The following SLC9D1 variants were observed in gnomAD, a reference collection of about 807,000 sequenced individuals.
SLC9D1 encodes solute carrier family 9 member D1, also known as putative LAG1-interacting protein.
At chr13:113,548,750 C>T in the SLC9D1 span, among the ~76,000 whole-genome samples, 1 of 152,198 alleles carries the variant, frequency 6.6e-6, no homozygotes, top group Non-Finnish European at 1.5e-5. Flanking sequence ...TGCCAGTGTG[C>T]ACATAAGTAG....
At chr13:113,516,643 G>T in the SLC9D1 span, among the ~76,000 whole-genome samples, 1 of 152,060 alleles carries the variant, frequency 6.6e-6, no homozygotes, top group South Asian at 2.1e-4. Context: ...AGAGCTTAAA[G>T]GTGTTAGCTC....
At chr13:113,548,190 T>C in the SLC9D1 span, 1 of 1,206,788 alleles carries the variant, frequency 8.3e-7, no homozygotes, top group Non-Finnish European at 1.2e-6. Flanking sequence ...CTTGACGTGT[T>C]ATTCAGGGAC....
the SLC9D1 span, among the ~76,000 whole-genome samples, chr13:113,531,909 G>T: frequency 6.6e-6 from 1 of 152,350 alleles, no homozygotes; most frequent in Admixed American, 6.5e-5. Context: ...CCTGGGGATG[G>T]TGGCTGTGGA....
the SLC9D1 span, chr13:113,520,671 G>A: frequency 6.2e-7 from 1 of 1,614,098 alleles, no homozygotes; most frequent in Non-Finnish European, 8.5e-7. Flanking sequence ...AGGACGTGCA[G>A]CTCGGGCTCT....
the SLC9D1 span, among the ~76,000 whole-genome samples, chr13:113,543,175 C>T: frequency 1.6e-5 from 1 of 63,292 alleles, no homozygotes; most frequent in African/African-American, 8.0e-5. Flanking sequence ...TGTCCGGACC[C>T]CACCTCCTCC....
the SLC9D1 span, among the ~76,000 whole-genome samples, chr13:113,532,790 G>A: frequency 0.031 from 4,501 of 145,494 alleles, 100 homozygotes; most frequent in Middle Eastern, 0.098. Context: ...CTTCTAAGTC[G>A]CAGACGTGGG....
At chr13:113,539,564 T>C in the SLC9D1 span, 10 of 1,565,116 alleles carry the variant, frequency 6.4e-6, no homozygotes, top group South Asian at 6.7e-5. The surrounding 1 kb of genome is among the most constrained non-coding windows in gnomAD (Gnocchi z 4.8). Flanking sequence ...AGAGTGGTTC[T>C]GTAATATGTT....
At chr13:113,531,936 T>C in the SLC9D1 span, among the ~76,000 whole-genome samples, 3 of 152,146 alleles carry the variant, frequency 2.0e-5, no homozygotes, top group Non-Finnish European at 2.9e-5. Context: ...GTGTAGCCGT[T>C]AGGGGCTTGG....
the SLC9D1 span, among the ~76,000 whole-genome samples, chr13:113,522,025 G>T: frequency 6.6e-6 from 1 of 152,186 alleles, no homozygotes; most frequent in Non-Finnish European, 1.5e-5. Flanking sequence ...CCTGTCTCGT[G>T]TGCTTTATTT....
At chr13:113,498,436 T>A in the SLC9D1 span, 6 of 1,588,488 alleles carry the variant, frequency 3.8e-6, no homozygotes, top group Non-Finnish European at 3.4e-6. Context: ...TTATCCATGC[T>A]TGACGAGATT....
the SLC9D1 span, among the ~76,000 whole-genome samples, chr13:113,517,257 G>GAGA: frequency 6.6e-6 from 1 of 152,122 alleles, no homozygotes; most frequent in Admixed American, 6.6e-5. Flanking sequence ...TGTTGAGGAG[G>GAGA]AGTCTCGCTC....
chr13:113,497,769 C>T, the SLC9D1 span, among the ~76,000 whole-genome samples: 8 of 152,234 alleles, frequency 5.3e-5, no homozygotes, highest in African/African-American at 1.9e-4. Flanking sequence ...CTGCTCTGGC[C>T]TTGTCCCACC....
At chr13:113,503,461 G>T in the SLC9D1 span, 4 of 1,528,078 alleles carry the variant, frequency 2.6e-6, no homozygotes, top group Admixed American at 6.8e-5. Context: ...TGTTAAACAT[G>T]TACAATTATA....
chr13:113,535,990 A>G, the SLC9D1 span, among the ~76,000 whole-genome samples: 218 of 152,344 alleles, frequency 1.4e-3, no homozygotes, highest in Admixed American at 2.9e-3. The surrounding 1 kb of genome is among the most constrained non-coding windows in gnomAD (Gnocchi z 4.1). Flanking sequence ...CTTGTGCTGT[A>G]ATTTGGCAAG....
the SLC9D1 span, among the ~76,000 whole-genome samples, chr13:113,544,772 T>A: frequency 6.6e-6 from 1 of 152,226 alleles, no homozygotes; most frequent in Non-Finnish European, 1.5e-5. Context: ...GCATGTGGCC[T>A]CATTTTGCCT....
the SLC9D1 span, among the ~76,000 whole-genome samples, chr13:113,499,312 G>C: frequency 6.6e-6 from 1 of 152,184 alleles, no homozygotes; most frequent in African/African-American, 2.4e-5. Context: ...TTTGTGGCCT[G>C]TATCTTGTGA....
chr13:113,544,234 C>T, the SLC9D1 span, among the ~76,000 whole-genome samples: 1 of 152,244 alleles, frequency 6.6e-6, no homozygotes, highest in Non-Finnish European at 1.5e-5. Context: ...GAGGCTCGTG[C>T]CCGCTGGGTG....
At chr13:113,510,788 G>A in the SLC9D1 span, among the ~76,000 whole-genome samples, 1 of 152,262 alleles carries the variant, frequency 6.6e-6, no homozygotes, top group Non-Finnish European at 1.5e-5. Flanking sequence ...AGCAGGCACT[G>A]GGAATTGATA....
the SLC9D1 span, chr13:113,534,364 A>T: frequency 1.2e-6 from 1 of 802,236 alleles, no homozygotes; most frequent in African/African-American, 1.7e-5. Context: ...ATTTACTAGT[A>T]TTTTTTATTT....
Sources: gnomAD v4.1 joint callset for allele counts (sites outside exome capture counted in the v4.1 genomes callset) on GRCh38, gnomAD v4.1.1 for gene constraint, Gnocchi (gnomAD v3.1) non-coding constraint, MANE v1.5 for transcripts, NCBI Gene and HGNC (gene_info 2026-07-23, HGNC 2026-07-21) for gene names.